RAB28: variants seen among roughly 807,000 people sequenced by gnomAD.
RAB28 encodes the protein RAB28, member RAS oncogene family, also known as ras-related protein Rab-28.
In RAB28, 24 loss-of-function variants were observed where a neutral mutation model predicts 31.7. That is an observed-to-expected ratio of 0.76 (90% CI 0.55 to 1.06). RAB28 has a LOEUF of 1.06. RAB28 is among the 50% of genes least tolerant of loss of function. The pLI is 0.00. For synonymous variants in RAB28, 100 were observed against 90.4 expected (o/e 1.11, Z -0.60); for missense variants, 254 against 258.5 (o/e 0.98, Z 0.12).
At chr4:13,483,878 A>T (rs1451114928) in intron 1 of RAB28, among the ~76,000 whole-genome samples, 198 bp downstream of exon 1, 1 of 152,132 alleles carries the variant, frequency 6.6e-6, no homozygotes, top group Non-Finnish European at 1.5e-5. Context: ...ACTCTTTTTT[A>T]AGGGGGAGCT....
chr4:13,393,855 CAAAAAAA>C (rs759509251), intron 4 of RAB28, among the ~76,000 whole-genome samples: 2 of 79,380 alleles, frequency 2.5e-5, no homozygotes, highest in Non-Finnish European at 4.8e-5. Flanking sequence ...TCACAGGCTA[CAAAAAAA>C]AAAAAAAAAA....
At chr4:13,454,360 G>C (rs567631166) in intron 4 of RAB28, among the ~76,000 whole-genome samples, 1 of 152,010 alleles carries the variant, frequency 6.6e-6, no homozygotes, top group East Asian at 1.9e-4. Context: ...GTCTATTACT[G>C]AAGTATTATT....
At chr4:13,450,979 G>C (rs1577226910) in intron 4 of RAB28, among the ~76,000 whole-genome samples, 1 of 151,858 alleles carries the variant, frequency 6.6e-6, no homozygotes, top group Admixed American at 6.6e-5. Context: ...GTAAATTTGG[G>C]TAAGGAGTTT....
intron 3 of RAB28, among the ~76,000 whole-genome samples, chr4:13,471,430 G>A (rs1716116554): frequency 6.6e-6 from 1 of 152,036 alleles, no homozygotes; most frequent in Non-Finnish European, 1.5e-5. Context: ...ACTGGTCAAT[G>A]TACTTTATGT....
chr4:13,370,695 C>T (rs780892481), intron 6 of RAB28: 93 of 984,594 alleles, frequency 9.4e-5, no homozygotes, highest in Admixed American at 1.2e-4. Flanking sequence ...GCTCGCTCCC[C>T]CATTCCTCCC....
intron 4 of RAB28, among the ~76,000 whole-genome samples, chr4:13,400,554 T>C (rs1711689162): frequency 6.6e-6 from 1 of 152,184 alleles, no homozygotes; most frequent in Non-Finnish European, 1.5e-5. Context: ...TTATATACCT[T>C]TTTCTTGCAG....
intron 4 of RAB28, among the ~76,000 whole-genome samples, chr4:13,399,562 T>C (rs929473205): frequency 3.3e-5 from 5 of 152,210 alleles, no homozygotes; most frequent in Admixed American, 6.5e-5. Context: ...GTAGTGACTA[T>C]GAGTTCCTGT....
At chr4:13,382,319 T>C (rs1003706360) in intron 4 of RAB28, among the ~76,000 whole-genome samples, 1 of 152,182 alleles carries the variant, frequency 6.6e-6, no homozygotes, top group Non-Finnish European at 1.5e-5. Flanking sequence ...AGTTTCTCTT[T>C]TTACAACACT....
Position 13,368,223 on chromosome 4 carries a change from G to A in RAB28, c.*335C>T. On this transcript the variant is annotated 3_prime_UTR_variant, in exon 7 of 7. Transcript: ENST00000330852. ...AAATCCTGGCTGATGATCAAGACTT[G>A]GAGAGTTTTCATATTAAGTTAAAAA... 2 of 999,996 alleles carry A rather than the reference G, an allele frequency of 2.0e-6. No homozygotes were observed. The highest frequency in any genetic ancestry group is 2.4e-6 in the Non-Finnish European group (2 of 839,884). 61.9% of individuals were successfully genotyped at this position (999,996 alleles called of 1,614,324 possible).
intron 4 of RAB28, among the ~76,000 whole-genome samples, chr4:13,424,927 T>C (rs1288153673): frequency 1.3e-5 from 2 of 152,190 alleles, no homozygotes; most frequent in African/African-American, 4.8e-5. Context: ...TTAAAAACTC[T>C]TGACCCCCAC....
intron 3 of RAB28, among the ~76,000 whole-genome samples, chr4:13,465,532 C>T (rs1348953499): frequency 2.0e-5 from 3 of 151,192 alleles, no homozygotes; most frequent in South Asian, 4.2e-4. Flanking sequence ...AAAAAAACTA[C>T]CTAGAATTCT....
intron 4 of RAB28, among the ~76,000 whole-genome samples, chr4:13,432,273 A>C (rs1191363536): frequency 6.6e-6 from 1 of 152,166 alleles, no homozygotes; most frequent in East Asian, 1.9e-4. Context: ...CAAAGCCTTC[A>C]AGAAATATGG....
At chr4:13,452,676 TATCCTAA>T (rs745625944) in intron 4 of RAB28, among the ~76,000 whole-genome samples, 13 of 152,092 alleles carry the variant, frequency 8.5e-5, no homozygotes, top group Non-Finnish European at 1.5e-4. Flanking sequence ...ACTTATTTTG[TATCCTAA>T]CACATGGGTC....
intron 5 of RAB28, among the ~76,000 whole-genome samples, chr4:13,380,244 C>T (rs1729074502): frequency 6.6e-6 from 1 of 151,984 alleles, no homozygotes; most frequent in South Asian, 2.1e-4. Flanking sequence ...AGAATAAACC[C>T]CCATCATATT....
chr4:13,471,799 AAG>A (rs1280693018), intron 3 of RAB28, among the ~76,000 whole-genome samples: 1 of 152,104 alleles, frequency 6.6e-6, no homozygotes, highest in Admixed American at 6.6e-5. Flanking sequence ...ACATCCTTAT[AAG>A]AGTCATAGCA....
At chr4:13,369,377 G>C (rs1302192626) in intron 6 of RAB28, among the ~76,000 whole-genome samples, 3 of 151,904 alleles carry the variant, frequency 2.0e-5, no homozygotes, top group African/African-American at 7.3e-5. Flanking sequence ...CACACTTCAA[G>C]GAACATCTAA....
chr4:13,435,219 A>T (rs150942362), intron 4 of RAB28, among the ~76,000 whole-genome samples: 1 of 152,054 alleles, frequency 6.6e-6, no homozygotes, highest in African/African-American at 2.4e-5. Context: ...TCTGGGATAC[A>T]GCAAAAGTAG....
chr4:13,453,039 T>C (rs1250211269), intron 4 of RAB28, among the ~76,000 whole-genome samples: 3 of 152,150 alleles, frequency 2.0e-5, no homozygotes, highest in Non-Finnish European at 4.4e-5. Context: ...CTTTGTCTCT[T>C]TGTACAGATT....
At chr4:13,423,246 A>C (rs954186311) in intron 4 of RAB28, among the ~76,000 whole-genome samples, 1 of 152,180 alleles carries the variant, frequency 6.6e-6, no homozygotes, top group Non-Finnish European at 1.5e-5. Context: ...CCTTTAAAAA[A>C]GGTGAGAGGC....
Sources: allele counts gnomAD v4.1 joint callset (sites outside exome capture counted in the v4.1 genomes callset), GRCh38; gene constraint gnomAD v4.1.1; transcripts MANE v1.5; gene names NCBI Gene and HGNC (gene_info 2026-07-23, HGNC 2026-07-21).